RPS6KA6: variants seen among roughly 807,000 people sequenced by gnomAD.
RPS6KA6 encodes the protein ribosomal protein S6 kinase A6.
RPS6KA6 carries 27 observed loss-of-function variants against 65.4 expected under a neutral mutation model. The observed-to-expected ratio is 0.41, with a 90% CI of 0.30 to 0.57. RPS6KA6 has a LOEUF of 0.57. Ranked by LOEUF, RPS6KA6 falls within the 20% of genes least tolerant of loss-of-function variation. RPS6KA6 has a pLI of 0.24. For synonymous variants in RPS6KA6, 190 were observed against 184.2 expected (o/e 1.03, Z -0.26); for missense variants, 486 against 555.6 (o/e 0.87, Z 1.26).
At chrX:84,143,522 T>A (rs1188345644) in intron 6 of RPS6KA6, among the ~76,000 whole-genome samples, 1 of 111,077 alleles carries the variant, frequency 9.0e-6, no homozygotes. Flanking sequence ...AAAACAATAC[T>A]GCGAGAAATT....
rs2033300785 is a variant in RPS6KA6 at position 84,061,491 on chromosome X, T to A, written c.*2786A>T. On this transcript the variant is annotated 3_prime_UTR_variant, in exon 22 of 22. Coordinates refer to ENST00000262752, the MANE Select transcript of RPS6KA6 (RefSeq NM_014496.5). The stretch of plus-strand genomic sequence containing the variant: ...TCTAACAAAATAGGCTGAAGTTTGA[T>A]CTTTGTGAAAGGACTTGAAACCATT... 1 of 103,653 alleles carries A rather than the reference T, an allele frequency of 9.6e-6. No individual in the cohort carries two copies. The highest frequency in any genetic ancestry group is 3.4e-5 in the African/African-American group (1 of 29,826). 8.5% of individuals were successfully genotyped at this position (103,653 alleles called of 1,213,427 possible).
chrX:84,177,713 T>G (rs1205971715), intron 1 of RPS6KA6, among the ~76,000 whole-genome samples: 1 of 112,597 alleles, frequency 8.9e-6, no homozygotes, highest in African/African-American at 3.2e-5. Context: ...AAGGTAGTTT[T>G]AAAATGTTTC....
chrX:84,163,563 C>T (rs1307591443), intron 2 of RPS6KA6, among the ~76,000 whole-genome samples: 1 of 97,724 alleles, frequency 1.0e-5, no homozygotes. Flanking sequence ...GGCGTGAACC[C>T]GGGAGGCGGA....
At chrX:84,121,075 G>C (rs1468575294) in intron 8 of RPS6KA6, among the ~76,000 whole-genome samples, 1 of 112,230 alleles carries the variant, frequency 8.9e-6, no homozygotes, top group Non-Finnish European at 1.9e-5. Context: ...TGATATCTTA[G>C]CAAACAATCT....
intron 1 of RPS6KA6, among the ~76,000 whole-genome samples, chrX:84,167,548 G>A (rs963889392): frequency 2.7e-5 from 3 of 111,153 alleles, no homozygotes; most frequent in African/African-American, 9.8e-5. Context: ...AGAGGAAGAC[G>A]AGTATCACTC....
At chrX:84,116,576 T>C (rs1433742777) in intron 11 of RPS6KA6, among the ~76,000 whole-genome samples, 1 of 111,162 alleles carries the variant, frequency 9.0e-6, no homozygotes, top group African/African-American at 3.3e-5. Context: ...CTAATTTATC[T>C]TATGACCTCA....
intron 20 of RPS6KA6, among the ~76,000 whole-genome samples, chrX:84,089,174 CA>C (rs2033991670): frequency 1.8e-5 from 2 of 112,345 alleles, no homozygotes; most frequent in African/African-American, 6.5e-5. Context: ...CAATCTGGCA[CA>C]GCTGCTGTGC....
At chrX:84,161,376 G>A (rs960053875) in intron 2 of RPS6KA6, among the ~76,000 whole-genome samples, 1 of 111,334 alleles carries the variant, frequency 9.0e-6, no homozygotes, top group African/African-American at 3.3e-5. Flanking sequence ...ACTTTATAGT[G>A]GCTGACCAAC....
At chrX:84,075,513 C>CCATAAATTCA (rs935255042) in intron 20 of RPS6KA6, among the ~76,000 whole-genome samples, 1 of 110,192 alleles carries the variant, frequency 9.1e-6, no homozygotes, top group African/African-American at 3.3e-5. Flanking sequence ...TTGATGAAAA[C>CCATAAATTCA]CATAAATTCA....
intron 20 of RPS6KA6, among the ~76,000 whole-genome samples, chrX:84,078,969 A>T (rs773877056): frequency 9.1e-6 from 1 of 110,303 alleles, no homozygotes; most frequent in African/African-American, 3.3e-5. Flanking sequence ...ATAGTTGCTT[A>T]AAAAAAAATA....
intron 12 of RPS6KA6, 22 bp from the exon 13 acceptor site, chrX:84,107,747 C>T (rs2034388651): frequency 3.4e-6 from 3 of 869,584 alleles, no homozygotes; most frequent in East Asian, 3.2e-5. Flanking sequence ...AACCAGATAA[C>T]ACAAAACGTA....
chrX:84,064,068 T>C lies in RPS6KA6; in HGVS notation c.*209A>G. On this transcript the variant is annotated 3_prime_UTR_variant, in exon 22 of 22. Transcript: ENST00000262752. The stretch of plus-strand genomic sequence containing the variant: ...GGTGGACACCAATTATATGCTTAAA[T>C]AAACACTTGAACACTACTGCAAACA... 2.9e-6 allele frequency: 1 copy of C among 347,674 alleles called. No individual in the cohort carries two copies. Among genetic ancestry groups the C allele is most frequent in the Non-Finnish European group, 4.8e-6 (1 of 209,041 alleles). The allele number at this position is 347,674 out of a possible 1,213,427, so 28.7% of individuals were successfully genotyped here.
At chrX:84,133,762 C>T (rs1017010224) in intron 8 of RPS6KA6, among the ~76,000 whole-genome samples, 10 of 111,493 alleles carry the variant, frequency 9.0e-5, no homozygotes, top group African/African-American at 3.2e-4. Flanking sequence ...TCTCAAAACT[C>T]TACTGTTCCC....
At chrX:84,178,463 TTTTG>T (rs1343880372) in intron 1 of RPS6KA6, among the ~76,000 whole-genome samples, 1 of 111,977 alleles carries the variant, frequency 8.9e-6, no homozygotes, top group Non-Finnish European at 1.9e-5. Flanking sequence ...ACAGAAATTA[TTTTG>T]TTTTTTAACA....
At chrX:84,187,710 C>T (rs1394800596) in intron 1 of RPS6KA6, 109 bp downstream of exon 1, 8 of 755,965 alleles carry the variant, frequency 1.1e-5, no homozygotes, top group East Asian at 4.1e-5. Context: ...GGGGCTTGCC[C>T]GGGAGCCCGC....
intron 1 of RPS6KA6, among the ~76,000 whole-genome samples, chrX:84,180,397 T>C: frequency 9.0e-6 from 1 of 111,668 alleles, no homozygotes; most frequent in East Asian, 2.8e-4. Context: ...TTGTTCTTTA[T>C]TTTTTTATTT....
At chrX:84,126,746 C>T (rs1194139833) in intron 8 of RPS6KA6, among the ~76,000 whole-genome samples, 1 of 110,463 alleles carries the variant, frequency 9.1e-6, no homozygotes, top group African/African-American at 3.3e-5. Flanking sequence ...CCTGAATGAC[C>T]AGAGAGTCAA....
chrX:84,083,719 TC>T (rs2033855629), intron 20 of RPS6KA6, among the ~76,000 whole-genome samples: 1 of 112,139 alleles, frequency 8.9e-6, no homozygotes, highest in African/African-American at 3.2e-5. Flanking sequence ...TTATTTACAT[TC>T]CCTTGGGTAT....
At chrX:84,111,418 T>C (rs1165422128) in intron 12 of RPS6KA6, among the ~76,000 whole-genome samples, 1 of 110,846 alleles carries the variant, frequency 9.0e-6, no homozygotes, top group African/African-American at 3.3e-5. Context: ...TGTGAAAGAA[T>C]AAATCATAAA....
Sources: allele counts gnomAD v4.1 joint callset (sites outside exome capture counted in the v4.1 genomes callset), GRCh38; gene constraint gnomAD v4.1.1; transcripts MANE v1.5; gene names NCBI Gene and HGNC (gene_info 2026-07-23, HGNC 2026-07-21).